The following SUGCT variants were observed in gnomAD, a reference collection of about 807,000 sequenced individuals.
SUGCT encodes the protein succinyl-CoA:glutarate-CoA transferase, also known as succinyl-CoA:glutarate CoA-transferase.
In SUGCT, 41 loss-of-function variants were observed where a neutral mutation model predicts 55.0. The ratio of observed to expected loss-of-function variants is 0.74; its 90% CI spans 0.58 to 0.97. SUGCT has a LOEUF of 0.97. SUGCT is among the 50% of genes least tolerant of loss of function. SUGCT has a pLI of 0.00. For missense variants in SUGCT, 568 were observed against 547.8 expected (o/e 1.04, Z -0.37); for synonymous variants, 187 against 200.4 (o/e 0.93, Z 0.56).
intron 11 of SUGCT, among the ~76,000 whole-genome samples, chr7:40,466,077 A>C (rs144802208): frequency 5.3e-4 from 80 of 152,088 alleles, no homozygotes; most frequent in African/African-American, 1.8e-3. Flanking sequence ...TTAAAAAGAT[A>C]GTTGGTGGGT....
chr7:40,490,415 G>A (rs2077442293), intron 11 of SUGCT, among the ~76,000 whole-genome samples: 1 of 152,160 alleles, frequency 6.6e-6, no homozygotes, highest in Non-Finnish European at 1.5e-5. Flanking sequence ...CTGAATGTCT[G>A]CTTTGAGTTC....
chr7:40,310,030 T>C (rs970533492), intron 8 of SUGCT, among the ~76,000 whole-genome samples: 1 of 152,176 alleles, frequency 6.6e-6, no homozygotes, highest in Non-Finnish European at 1.5e-5. Flanking sequence ...ACCATAACTT[T>C]CTACCCCTTA....
At chr7:40,451,810 G>A (rs560173532) in intron 10 of SUGCT, among the ~76,000 whole-genome samples, 27 of 152,008 alleles carry the variant, frequency 1.8e-4, no homozygotes, top group Non-Finnish European at 3.4e-4. Context: ...TCCCTTCCCA[G>A]TTATGTGTAG....
the SUGCT span, among the ~76,000 whole-genome samples, chr7:40,900,182 G>T: frequency 2.0e-5 from 3 of 152,244 alleles, no homozygotes; most frequent in Non-Finnish European, 4.4e-5. Context: ...CAGCTTCTCT[G>T]CGTATTTCAA....
chr7:40,413,271 C>G (rs1311112763), intron 9 of SUGCT, among the ~76,000 whole-genome samples: 1 of 152,078 alleles, frequency 6.6e-6, no homozygotes, highest in Admixed American at 6.6e-5. Context: ...GTTCCATGGG[C>G]CAGCTTTCCA....
chr7:40,550,342 C>CT (rs1478062351), intron 12 of SUGCT, among the ~76,000 whole-genome samples: 1 of 152,204 alleles, frequency 6.6e-6, no homozygotes, highest in East Asian at 1.9e-4. Flanking sequence ...GCTAGTGTTA[C>CT]TAAGTATTCC....
chr7:40,657,620 T>C (rs926428655), intron 12 of SUGCT, among the ~76,000 whole-genome samples: 9 of 151,950 alleles, frequency 5.9e-5, no homozygotes, highest in Admixed American at 2.0e-4. Context: ...CTGCAACCTC[T>C]GCCTCCCGGG....
intron 12 of SUGCT, among the ~76,000 whole-genome samples, chr7:40,670,957 A>G (rs1170102310): frequency 6.6e-6 from 1 of 152,226 alleles, no homozygotes; most frequent in Non-Finnish European, 1.5e-5. Context: ...AGAAAGCTAC[A>G]GACCATTATC....
intron 12 of SUGCT, among the ~76,000 whole-genome samples, chr7:40,578,895 G>A (rs1372028691): frequency 6.6e-6 from 1 of 152,056 alleles, no homozygotes; most frequent in Non-Finnish European, 1.5e-5. Flanking sequence ...CAAATAGAAT[G>A]TGAACTCCAT....
At chr7:40,666,211 G>A (rs1801619627) in intron 12 of SUGCT, among the ~76,000 whole-genome samples, 1 of 151,884 alleles carries the variant, frequency 6.6e-6, no homozygotes, top group Non-Finnish European at 1.5e-5. Context: ...TTAGCTGGGT[G>A]TGGTGGCACA....
intron 11 of SUGCT, among the ~76,000 whole-genome samples, chr7:40,474,108 A>T (rs1199923882): frequency 6.6e-6 from 1 of 152,144 alleles, no homozygotes; most frequent in Non-Finnish European, 1.5e-5. Flanking sequence ...AATGTCAGGG[A>T]TACCCATGTT....
intron 9 of SUGCT, among the ~76,000 whole-genome samples, chr7:40,413,415 C>T (rs2151348986): frequency 6.6e-6 from 1 of 152,226 alleles, no homozygotes; most frequent in Admixed American, 6.5e-5. Flanking sequence ...TCCTAAGTCA[C>T]TTCATCCACC....
intron 6 of SUGCT, among the ~76,000 whole-genome samples, chr7:40,203,471 A>G (rs977848281): frequency 6.6e-5 from 10 of 152,218 alleles, no homozygotes; most frequent in Admixed American, 4.6e-4. Flanking sequence ...GTTTCTAACT[A>G]TGGAAATAGA....
chr7:40,818,396 T>C (rs1791786376), intron 13 of SUGCT, among the ~76,000 whole-genome samples: 1 of 152,222 alleles, frequency 6.6e-6, no homozygotes, highest in Non-Finnish European at 1.5e-5. Flanking sequence ...TCACTTGTGT[T>C]GCCTCACCCC....
At position 40,854,422 on chromosome 7, in the gene SUGCT, T is replaced by G. The variant is rs1794039561; in HGVS notation, c.1154-5894T>G. Among the ~76,000 whole-genome samples the G allele has an allele frequency of 3.5e-5, 4 of 115,764 alleles. No individual in the cohort carries two copies. In the Admixed American group the frequency reaches 3.7e-4, roughly 11 times the overall value. The allele number at this position is 115,764 out of a possible 152,430, so 75.9% of individuals were successfully genotyped here. A position where few individuals can be genotyped will look rare whatever the true frequency, so the allele number is the denominator to read the frequency against. On this transcript the variant is annotated intron_variant, in intron 13 of 13. Coordinates refer to ENST00000335693, the MANE Select transcript of SUGCT (RefSeq NM_001193313.2). ...TTCTTTCTTTCTTTCTTTCTTTCCT[T>G]TCTTTCTTTCTTTCTTTCTTTCTTT...
rs555567847 is a variant in SUGCT, at chr7:40,753,047, G to A, written c.1153+3550G>A. Among the ~76,000 whole-genome samples, 25 of 152,300 alleles carry A rather than the reference G, an allele frequency of 1.6e-4. No individual in the cohort carries two copies. In the South Asian group the frequency reaches 5.2e-3, roughly 32 times the overall value. ...AGTGCAGCACATCTGAATTCCTCAT[G>A]AGAGGGGAATGACAATTCTGCTTAC... On this transcript the variant is annotated intron_variant, in intron 13 of 13. Coordinates refer to ENST00000335693, the MANE Select transcript of SUGCT (RefSeq NM_001193313.2).
At chr7:40,220,447 T>G (rs1355066239) in intron 6 of SUGCT, among the ~76,000 whole-genome samples, 1 of 152,240 alleles carries the variant, frequency 6.6e-6, no homozygotes, top group Non-Finnish European at 1.5e-5. Context: ...TTTTGATAAG[T>G]CTGTTACCAA....
the SUGCT span, among the ~76,000 whole-genome samples, chr7:40,980,723 G>T: frequency 6.6e-6 from 1 of 151,884 alleles, no homozygotes; most frequent in South Asian, 2.1e-4. Context: ...TTTTTAGATG[G>T]AGTCTCACTG....
chr7:40,776,492 T>C (rs1433328452), intron 13 of SUGCT, among the ~76,000 whole-genome samples: 1 of 152,230 alleles, frequency 6.6e-6, no homozygotes, highest in African/African-American at 2.4e-5. Flanking sequence ...AGAAAAACTC[T>C]ACTTCTTGGA....
Sources: gnomAD v4.1 joint callset for allele counts (sites outside exome capture counted in the v4.1 genomes callset) on GRCh38, gnomAD v4.1.1 for gene constraint, MANE v1.5 for transcripts, NCBI Gene and HGNC (gene_info 2026-07-23, HGNC 2026-07-21) for gene names.